Variants in ZFHX3 observed in about 807,000 individuals in gnomAD.
ZFHX3 encodes zinc finger homeobox protein 3.
A neutral mutation model predicts 279.1 loss-of-function variants in ZFHX3; 42 were observed. The observed-to-expected ratio is 0.15, with a 90% CI of 0.12 to 0.19. The LOEUF is 0.19. ZFHX3 is among the 10% of genes least tolerant of loss of function. The probability of loss-of-function intolerance (pLI) is 1.00; values close to 1 mark genes in which losing one functional copy is unlikely to be tolerated. For synonymous variants in ZFHX3, 2,293 were observed against 1,957.8 expected, an observed-to-expected ratio of 1.17 and a Z score of -4.52; for missense variants, 4,981 against 4,754.0, an observed-to-expected ratio of 1.05 and a Z score of -1.40.
At chr16:73,517,871 T>A (rs765346388) in intron 2 of ZFHX3, among the ~76,000 whole-genome samples, 148 of 152,348 alleles carry the variant, frequency 9.7e-4, no homozygotes, top group Non-Finnish European at 1.8e-3. Flanking sequence ...AACCTGCATA[T>A]ATAATTTTAA....
chr16:73,111,295 A>C (rs1966370440), intron 7 of ZFHX3, among the ~76,000 whole-genome samples: 1 of 152,082 alleles, frequency 6.6e-6, no homozygotes, highest in Non-Finnish European at 1.5e-5. Flanking sequence ...TTTTCCCTTG[A>C]GAATGTTTTG....
At chr16:73,595,977 TTTTTATTTTATTTTATTTTATTTTA>T (rs61219527) in intron 2 of ZFHX3, among the ~76,000 whole-genome samples, 4,413 of 135,486 alleles carry the variant, frequency 0.033, 242 homozygotes, top group African/African-American at 0.11. Flanking sequence ...GACCATTACT[TTTTTATTTTATTTTATTTTATTTTA>T]TTTTATTTTA....
intron 2 of ZFHX3, among the ~76,000 whole-genome samples, chr16:73,640,690 G>A (rs188565852): frequency 6.6e-5 from 10 of 150,752 alleles, no homozygotes; most frequent in South Asian, 2.1e-4. Flanking sequence ...TAAGAAAATC[G>A]GAGAATATAT....
intron 2 of ZFHX3, among the ~76,000 whole-genome samples, chr16:73,572,393 AAAGT>A (rs1333730024): frequency 1.3e-5 from 2 of 152,196 alleles, no homozygotes; most frequent in African/African-American, 4.8e-5. Context: ...CTTGAAGGAC[AAAGT>A]AAGAACAGCT....
intron 2 of ZFHX3, among the ~76,000 whole-genome samples, chr16:73,652,191 T>C (rs2052678454): frequency 6.6e-6 from 1 of 152,090 alleles, no homozygotes; most frequent in African/African-American, 2.4e-5. Flanking sequence ...GCTTTTATAG[T>C]GGTAAGGAGG....
intron 4 of ZFHX3, among the ~76,000 whole-genome samples, chr16:72,837,327 A>G (rs1567540910): frequency 6.6e-6 from 1 of 152,162 alleles, no homozygotes; most frequent in Non-Finnish European, 1.5e-5. Context: ...AACTGCTAAC[A>G]AACTGCTAGC....
upstream of ZFHX3, among the ~76,000 whole-genome samples, chr16:73,062,569 TGA>T (rs1965697439): frequency 6.6e-6 from 1 of 152,214 alleles, no homozygotes; most frequent in African/African-American, 2.4e-5. Context: ...GGTTGCAATG[TGA>T]GCAGCTATTA....
At chr16:73,600,488 A>G (rs889971565) in intron 2 of ZFHX3, among the ~76,000 whole-genome samples, 28 of 140,284 alleles carry the variant, frequency 2.0e-4, no homozygotes, top group Non-Finnish European at 3.8e-4. Context: ...CGCAATCTCC[A>G]CTCGCTGCTA....
intron 2 of ZFHX3, among the ~76,000 whole-genome samples, chr16:73,557,260 G>C (rs1038386812): frequency 5.3e-5 from 8 of 152,218 alleles, no homozygotes; most frequent in African/African-American, 1.7e-4. Context: ...AAGCAAGATT[G>C]AAAGGCCAAG....
intron 7 of ZFHX3, among the ~76,000 whole-genome samples, chr16:73,100,630 A>G (rs1836863067): frequency 6.9e-6 from 1 of 145,476 alleles, no homozygotes; most frequent in Admixed American, 7.0e-5. Context: ...CCCAGGCTGG[A>G]GTGCAGTGGC....
intron 1 of ZFHX3, among the ~76,000 whole-genome samples, chr16:73,874,417 C>T (rs2029889965): frequency 6.6e-6 from 1 of 152,092 alleles, no homozygotes; most frequent in Admixed American, 6.6e-5. Context: ...TATCATACAC[C>T]CCAAGTCTGC....
chr16:73,850,231 T>A (rs1464028000), intron 1 of ZFHX3, among the ~76,000 whole-genome samples: 1 of 152,240 alleles, frequency 6.6e-6, no homozygotes, highest in Non-Finnish European at 1.5e-5. Flanking sequence ...CCATTAGTTA[T>A]TAACCCACAT....
intron 5 of ZFHX3, among the ~76,000 whole-genome samples, chr16:73,200,795 G>A (rs1968252852): frequency 6.6e-6 from 1 of 152,248 alleles, no homozygotes; most frequent in Admixed American, 6.5e-5. Context: ...GAGCTATTTA[G>A]CATTTGAATA....
intron 2 of ZFHX3, among the ~76,000 whole-genome samples, chr16:73,624,792 G>C (rs2052400268): frequency 6.6e-6 from 1 of 152,196 alleles, no homozygotes; most frequent in Non-Finnish European, 1.5e-5. Flanking sequence ...CTGTTAATGT[G>C]CCTCCGCTTT....
At position 72,798,341 on chromosome 16, in the gene ZFHX3, G is replaced by A. The variant is rs776818306; in HGVS notation, c.4341C>T (p.His1447=). 6.2e-7 allele frequency: 1 copy of A among 1,614,178 alleles called. No individual in the cohort carries two copies. Among genetic ancestry groups the A allele is most frequent in the Non-Finnish European group, 8.5e-7 (1 of 1,180,042 alleles). Residue 1447 remains histidine (H), a synonymous_variant, in exon 9 of 10, where the codon CAC becomes CAT. Transcript: ENST00000268489. ...TCAGCTCCAGGTGGCTTGTCTCAAG[G>A]TGCTTCTTCAGAGCCTGGAAAGTTC... ...SFRTFQALKK[H]LETSHLELSE...
chr16:73,300,260 C>G (rs1207620754), intron 4 of ZFHX3, among the ~76,000 whole-genome samples: 1 of 74,226 alleles, frequency 1.3e-5, no homozygotes, highest in African/African-American at 6.1e-5. Flanking sequence ...GAGACTCTGT[C>G]TCTTAAAAAA....
intron 4 of ZFHX3, among the ~76,000 whole-genome samples, chr16:72,864,645 T>A (rs933225670): frequency 5.2e-4 from 79 of 152,310 alleles, no homozygotes; most frequent in African/African-American, 1.8e-3. Context: ...AGTTGACCTC[T>A]CAGGTGGCCC....
intron 4 of ZFHX3, among the ~76,000 whole-genome samples, chr16:73,301,615 C>T (rs1422303538): frequency 3.3e-5 from 5 of 152,250 alleles, no homozygotes; most frequent in Admixed American, 2.6e-4. Flanking sequence ...CTAGACAGTC[C>T]TAGAGGCCTT....
chr16:73,204,949 C>T (rs2011743396), intron 5 of ZFHX3, among the ~76,000 whole-genome samples: 1 of 152,142 alleles, frequency 6.6e-6, no homozygotes, highest in Middle Eastern at 3.2e-3. Flanking sequence ...CTGTATTAAC[C>T]ATTAACTTAC....
Sources: allele counts gnomAD v4.1 joint callset (sites outside exome capture counted in the v4.1 genomes callset), GRCh38; gene constraint gnomAD v4.1.1; transcripts MANE v1.5; gene names NCBI Gene and HGNC (gene_info 2026-07-23, HGNC 2026-07-21).